Variants in ADRM1 observed in about 807,000 individuals in gnomAD.
ADRM1 encodes the protein ADRM1 26S proteasome ubiquitin receptor, also known as proteasomal ubiquitin receptor ADRM1.
In ADRM1, 2 loss-of-function variants were observed where a neutral mutation model predicts 40.1. The ratio of observed to expected loss-of-function variants is 0.05; its 90% CI spans 0.02 to 0.16. The LOEUF (loss-of-function observed/expected upper bound fraction) is 0.16, where lower values mean the gene tolerates loss of function less well. Ranked by LOEUF, ADRM1 falls within the 10% of genes least tolerant of loss-of-function variation. The pLI is 1.00. For synonymous variants in ADRM1, 287 were observed against 240.4 expected (o/e 1.19, Z -1.79); for missense variants, 467 against 552.5 (o/e 0.85, Z 1.55).
Position 62,308,142 on chromosome 20 carries a change from G to A in ADRM1, c.978G>A (p.Glu326=). The change falls in exon 8 of 10, where the codon GAG becomes GAA. Residue 326 remains glutamate (E), a synonymous_variant. Coordinates refer to ENST00000253003, the MANE Select transcript of ADRM1 (RefSeq NM_007002.4). ...AGTCGCTGCCGCAGACCGCGGATGAGATCCAGAATACCCTGACCTCGCCCC... is the reference window on the plus strand; with the variant it reads ...AGTCGCTGCCGCAGACCGCGGATGAAATCCAGAATACCCTGACCTCGCCCC... The part of the protein sequence containing the change: ...SGESLPQTAD[E]IQNTLTSPQF... 1 of 1,608,556 alleles carries A rather than the reference G, an allele frequency of 6.2e-7. No homozygotes were observed. Among genetic ancestry groups the A allele is most frequent in the Non-Finnish European group, 8.5e-7 (1 of 1,179,778 alleles).
At chr20:62,304,413 C>T (rs1485846787) in intron 2 of ADRM1, 48 bp from the exon 3 acceptor site, 2 of 1,523,076 alleles carry the variant, frequency 1.3e-6, no homozygotes, top group East Asian at 2.3e-5. Flanking sequence ...AGACTGGGCA[C>T]AGTGATGCCA....
chr20:62,308,729 AAGGACGAAGAGG>A lies in ADRM1; in HGVS notation c.1198_1209del (p.Glu400_Asp403del). The A allele has an allele frequency of 6.2e-7, 1 of 1,613,058 alleles. No homozygotes were observed. The highest frequency in any genetic ancestry group is 2.2e-5 in the East Asian group (1 of 44,888). ...GAAAGAGGGCGACACGAAGGACAAGAAGGACGAAGAGGAGGACATGAGCCTGGACTGAGCCAC... is the reference window on the plus strand; with the variant it reads ...GAAAGAGGGCGACACGAAGGACAAGAAGGACATGAGCCTGGACTGAGCCAC... On this transcript the variant is annotated inframe_deletion, in exon 10 of 10. Transcript: ENST00000253003.
chr20:62,305,786 T>C (rs1685430848), intron 3 of ADRM1: 3 of 208,796 alleles, frequency 1.4e-5, no homozygotes, highest in African/African-American at 4.5e-5. Context: ...GCCGTGGCCC[T>C]GGGCCGCGGT....
At chr20:62,303,527 A>G (rs1277764550) in intron 1 of ADRM1, 41 bp from the exon 2 acceptor site, 6 of 1,535,688 alleles carry the variant, frequency 3.9e-6, no homozygotes. Flanking sequence ...ACCGCAGGCG[A>G]CAGTGACCGC....
At position 62,307,368 on chromosome 20, in the gene ADRM1, C is replaced by T. The variant is rs1470206709; in HGVS notation, c.542-3C>T. Reference sequence around the variant, plus strand: ...TGAGCTCGCATTTCCTTGCCCCTCGCAGGTGGGCTGGGGGCCCTGACTGGA... The same window carrying T: ...TGAGCTCGCATTTCCTTGCCCCTCGTAGGTGGGCTGGGGGCCCTGACTGGA... On this transcript the variant is annotated splice_region_variant and splice_polypyrimidine_tract_variant and intron_variant, in intron 5 of 9. Coordinates refer to ENST00000253003, the MANE Select transcript of ADRM1 (RefSeq NM_007002.4). The T allele has an allele frequency of 6.3e-7, 1 of 1,599,290 alleles. No individual in the cohort carries two copies. The highest frequency in any genetic ancestry group is 2.2e-5 in the East Asian group (1 of 44,782).
At position 62,307,423 on chromosome 20, in the gene ADRM1, T is replaced by C. The variant is rs1985201675; in HGVS notation, c.594T>C (p.Ser198=). Residue 198 remains serine (S), a synonymous_variant, in exon 6 of 10, where the codon AGT becomes AGC. Coordinates refer to ENST00000253003, the MANE Select transcript of ADRM1 (RefSeq NM_007002.4). ...GPGLASLLGS[S]GPPGSSSSSS... is the part of the protein sequence containing the mutation. Reference sequence around the variant, plus strand: ...GCCTGGCCAGCTTACTGGGGAGCAGTGGGCCTCCAGGGAGCAGCTCCTCCT... The same window carrying C: ...GCCTGGCCAGCTTACTGGGGAGCAGCGGGCCTCCAGGGAGCAGCTCCTCCT... 2 of 1,608,436 alleles carry C rather than the reference T, an allele frequency of 1.2e-6. No individual in the cohort carries two copies. Among genetic ancestry groups the C allele is most frequent in the Non-Finnish European group, 1.7e-6 (2 of 1,178,938 alleles).
intron 9 of ADRM1, 24 bp downstream of exon 9, chr20:62,308,494 C>CA: frequency 6.3e-7 from 1 of 1,581,014 alleles, no homozygotes; most frequent in Non-Finnish European, 8.6e-7. Context: ...CCTGCACCTC[C>CA]AGGCCAGAGC....
Position 62,306,639 on chromosome 20 carries a change from G to C in ADRM1, c.455-9G>C, listed in dbSNP as rs1439294401. The C allele has an allele frequency of 6.2e-7, 1 of 1,604,284 alleles. No individual in the cohort carries two copies. Among genetic ancestry groups the C allele is most frequent in the Non-Finnish European group, 8.5e-7 (1 of 1,175,826 alleles). On this transcript the variant is annotated splice_polypyrimidine_tract_variant and intron_variant, in intron 4 of 9. Coordinates refer to ENST00000253003, the MANE Select transcript of ADRM1 (RefSeq NM_007002.4). ...GGGGCAGGCCCGCCTGAGCTGCAGTGTTTTCCAGGTGAGGGTGGCCTGCAG... is the reference window on the plus strand; with the variant it reads ...GGGGCAGGCCCGCCTGAGCTGCAGTCTTTTCCAGGTGAGGGTGGCCTGCAG...
At chr20:62,305,904 C>T (rs969838348) in intron 3 of ADRM1, 33 of 372,300 alleles carry the variant, frequency 8.9e-5, no homozygotes, top group Non-Finnish European at 1.5e-4. Context: ...GGTCTGGCAG[C>T]AGCTAAGTGC....
rs887887586 is a variant in ADRM1, at chr20:62,306,666, G to C, written c.473G>C (p.Ser158Thr). 2.5e-6 allele frequency: 4 copies of C among 1,609,400 alleles called. No individual in the cohort carries two copies. In the African/African-American group the frequency reaches 5.3e-5, roughly 21 times the overall value. Residue 158 changes from serine (S) to threonine (T), a missense_variant, in exon 5 of 10, where the codon AGC becomes ACC. By Grantham distance (58) the Ser-to-Thr change is moderately conservative. Transcript: ENST00000253003. ...TTTCCAGGTGAGGGTGGCCTGCAGA[G>C]CCTGCTGGGAAACATGAGCCACAGC... The part of the protein sequence containing the change: ...SALGGEGGLQ[S>T]LLGNMSHSQL...
rs773876176 is a variant in ADRM1, at chr20:62,308,734, C to G, written c.1197C>G (p.Asp399Glu). 1 of 1,613,016 alleles carries G rather than the reference C, an allele frequency of 6.2e-7. No individual in the cohort carries two copies. The highest frequency in any genetic ancestry group is 8.5e-7 in the Non-Finnish European group (1 of 1,179,958). Reference sequence around the variant, plus strand: ...AGGGCGACACGAAGGACAAGAAGGACGAAGAGGAGGACATGAGCCTGGACT... The same window carrying G: ...AGGGCGACACGAAGGACAAGAAGGAGGAAGAGGAGGACATGAGCCTGGACT... ...QKEGDTKDKK[D>E]EEEDMSLD Residue 399 changes from aspartate (D) to glutamate (E), a missense_variant, in exon 10 of 10, where the codon GAC becomes GAG. By Grantham distance (45) the Asp-to-Glu change is conservative. Coordinates refer to ENST00000253003, the MANE Select transcript of ADRM1 (RefSeq NM_007002.4).
chr20:62,305,431 C>T (rs936471138), intron 3 of ADRM1: 8 of 152,396 alleles, frequency 5.2e-5, no homozygotes, highest in East Asian at 1.9e-4. Context: ...ACAGGCATAG[C>T]CAAACTCCAG....
chr20:62,304,388 C>A, intron 2 of ADRM1, 73 bp from the exon 3 acceptor site: 1 of 1,328,290 alleles, frequency 7.5e-7, no homozygotes. Context: ...ACCCAGGGCT[C>A]AGTACGCTCT....
In ADRM1 at chr20:62,307,424, G is replaced by A. The variant is rs1985202174; in HGVS notation, c.595G>A (p.Gly199Arg). The A allele has an allele frequency of 6.2e-7, 1 of 1,608,212 alleles. No individual in the cohort carries two copies. Among genetic ancestry groups the A allele is most frequent in the Non-Finnish European group, 8.5e-7 (1 of 1,178,946 alleles). The change falls in exon 6 of 10, where the codon GGG (glycine) becomes AGG (arginine). Residue 199 changes from glycine to arginine, a missense_variant. Gly to Arg is a moderately radical substitution (Grantham distance 125). This residue lies in a region of ADRM1 where 418 missense variants were observed against 474.6 expected (regional missense o/e 0.88). Coordinates refer to ENST00000253003, the MANE Select transcript of ADRM1 (RefSeq NM_007002.4). ...PGLASLLGSS[G>R]PPGSSSSSSS... is the part of the protein sequence containing the mutation. ...CCTGGCCAGCTTACTGGGGAGCAGTGGGCCTCCAGGGAGCAGCTCCTCCTC... is the reference window on the plus strand; with the variant it reads ...CCTGGCCAGCTTACTGGGGAGCAGTAGGCCTCCAGGGAGCAGCTCCTCCTC...
In ADRM1 at chr20:62,308,057, C is replaced by T; in HGVS notation, c.893C>T (p.Ala298Val). Residue 298 changes from alanine to valine, a missense_variant, in exon 8 of 10, where the codon GCT (alanine) becomes GTT (valine). Coordinates refer to ENST00000253003, the MANE Select transcript of ADRM1 (RefSeq NM_007002.4). ...LASVLTPEIM[A>V]PILANADVQE... is the part of the protein sequence containing the mutation. ...AGTGTGCTGACGCCGGAGATAATGGCTCCCATCCTCGCCAACGCGGATGTC... is the reference window on the plus strand; with the variant it reads ...AGTGTGCTGACGCCGGAGATAATGGTTCCCATCCTCGCCAACGCGGATGTC... 2 of 1,611,664 alleles carry T rather than the reference C, an allele frequency of 1.2e-6. No individual in the cohort carries two copies. The highest frequency in any genetic ancestry group is 1.1e-5 in the South Asian group (1 of 90,930).
chr20:62,307,522 A>G (rs2146007422), intron 6 of ADRM1, 70 bp downstream of exon 6: 3 of 1,599,044 alleles, frequency 1.9e-6, no homozygotes, highest in Non-Finnish European at 2.6e-6. Context: ...ATCCTGGCCC[A>G]GCACCCTGGA....
intron 2 of ADRM1, 138 bp from the exon 3 acceptor site, chr20:62,304,323 C>G: frequency 3.0e-6 from 2 of 671,054 alleles, no homozygotes; most frequent in South Asian, 1.7e-5. Flanking sequence ...TGTGGAGACC[C>G]TGCCAGCGAG....
At chr20:62,308,556 G>A (rs1364241440) in intron 9 of ADRM1, 86 bp downstream of exon 9, 1 of 1,559,950 alleles carries the variant, frequency 6.4e-7, no homozygotes, top group African/African-American at 1.4e-5. Context: ...TGGGGCTGAG[G>A]GGGTAAAGGT....
At chr20:62,304,115 C>A (rs1020434272) in intron 2 of ADRM1, 1 of 486,768 alleles carries the variant, frequency 2.1e-6, no homozygotes, top group Non-Finnish European at 3.7e-6. Flanking sequence ...CGGCTTCACT[C>A]AGTCTTCTTT....
Sources: gnomAD v4.1 joint callset for allele counts on GRCh38, gnomAD v4.1.1 for gene constraint, gnomAD v4.1.1 regional missense constraint, MANE v1.5 for transcripts, NCBI Gene and HGNC (gene_info 2026-07-23, HGNC 2026-07-21) for gene names.